PLXNA4: variants seen among roughly 807,000 people sequenced by gnomAD.
The protein encoded by PLXNA4 is plexin A4.
In PLXNA4, 44 loss-of-function variants were observed where a neutral mutation model predicts 191.8. The observed-to-expected ratio is 0.23, with a 90% CI of 0.18 to 0.29. The LOEUF (loss-of-function observed/expected upper bound fraction) is 0.29. PLXNA4 is among the 10% of genes least tolerant of loss of function. The probability of loss-of-function intolerance (pLI) is 1.00; values close to 1 mark genes in which losing one functional copy is unlikely to be tolerated. For missense variants in PLXNA4, 1,800 were observed against 2,488.8 expected (o/e 0.72, Z 5.89); for synonymous variants, 1,082 against 1,009.5 (o/e 1.07, Z -1.36).
intron 2 of PLXNA4, among the ~76,000 whole-genome samples, chr7:132,504,861 G>T (rs1012260695): frequency 7.2e-5 from 11 of 152,244 alleles, no homozygotes; most frequent in African/African-American, 2.7e-4. Flanking sequence ...AGTTGAGGAA[G>T]AGCTGGGTTT....
chr7:132,502,297 T>G (rs1277549038), intron 2 of PLXNA4, among the ~76,000 whole-genome samples: 1 of 152,032 alleles, frequency 6.6e-6, no homozygotes, highest in East Asian at 1.9e-4. Context: ...GAACGGCACG[T>G]GGAAGGGGAC....
intron 3 of PLXNA4, among the ~76,000 whole-genome samples, chr7:132,360,250 CAAG>C (rs1481412335): frequency 6.6e-6 from 1 of 152,112 alleles, no homozygotes; most frequent in African/African-American, 2.4e-5. Flanking sequence ...TGGGAGAGAC[CAAG>C]AAGTCAGGAC....
intron 4 of PLXNA4, among the ~76,000 whole-genome samples, chr7:132,269,280 C>T (rs1198937856): frequency 3.9e-5 from 6 of 152,186 alleles, no homozygotes; most frequent in Non-Finnish European, 8.8e-5. Flanking sequence ...TTCTAGCTTA[C>T]TATTTTTGAA....
intron 16 of PLXNA4, 33 bp from the exon 17 acceptor site, chr7:132,182,223 GA>G: frequency 3.1e-6 from 5 of 1,611,732 alleles, no homozygotes; most frequent in Non-Finnish European, 4.2e-6. Context: ...ATGTGTAAAT[GA>G]TAAGTTCAGG....
At chr7:132,613,363 G>A (rs147379211) in intron 2 of PLXNA4, among the ~76,000 whole-genome samples, 66 of 152,084 alleles carry the variant, frequency 4.3e-4, no homozygotes, top group African/African-American at 1.3e-3. Context: ...CCTCCCCCCC[G>A]ACATCTCCTC....
At chr7:132,614,507 G>T (rs970584874) in intron 2 of PLXNA4, among the ~76,000 whole-genome samples, 11 of 152,200 alleles carry the variant, frequency 7.2e-5, no homozygotes, top group Non-Finnish European at 1.6e-4. Context: ...TAAGTTGATG[G>T]AAATAAAGCT....
At position 132,298,123 on chromosome 7, in the gene PLXNA4, G is replaced by A. The variant is rs764488585; in HGVS notation, c.1471C>T (p.His491Tyr). 33 of 1,614,050 alleles carry A rather than the reference G, an allele frequency of 2.0e-5. No homozygotes were observed. The highest frequency in any genetic ancestry group is 2.7e-5 in the Non-Finnish European group (32 of 1,180,038). ...TCTGACATGATGTAGAGTTGCTCGT[G>A]GTCCTTGGAGAAGGCCATATCCCGG... ...VLRDMAFSKDHEQLYIMSERQ... is the reference protein window; with the variant it reads ...VLRDMAFSKDYEQLYIMSERQ... The change falls in exon 4 of 32, where the codon CAC becomes TAC. Residue 491 changes from histidine to tyrosine, a missense_variant. This residue lies in a region of PLXNA4 where 1,397 missense variants were observed against 1,880.4 expected (regional missense o/e 0.74). Transcript: ENST00000321063.
chr7:132,321,085 C>T (rs945425677), intron 3 of PLXNA4, among the ~76,000 whole-genome samples: 36 of 152,148 alleles, frequency 2.4e-4, no homozygotes, highest in Admixed American at 6.5e-4. Context: ...CCACACTCAC[C>T]GGCCAGCTTC....
chr7:132,248,909 G>C (rs1171205324), intron 4 of PLXNA4, among the ~76,000 whole-genome samples: 1 of 151,978 alleles, frequency 6.6e-6, no homozygotes, highest in Non-Finnish European at 1.5e-5. Context: ...GATTTGCCTT[G>C]AGCTTTGCAA....
intron 3 of PLXNA4, among the ~76,000 whole-genome samples, chr7:132,347,368 G>T (rs1344737540): frequency 6.6e-6 from 1 of 152,164 alleles, no homozygotes; most frequent in Non-Finnish European, 1.5e-5. Flanking sequence ...TGAAAACTAA[G>T]CAAGACACGA....
At chr7:132,587,192 C>T (rs1470385520) in intron 2 of PLXNA4, among the ~76,000 whole-genome samples, 1 of 152,026 alleles carries the variant, frequency 6.6e-6, no homozygotes, top group Non-Finnish European at 1.5e-5. Flanking sequence ...TAATTGGAAA[C>T]AATCAAAGTA....
chr7:132,312,541 T>C (rs769345174), intron 3 of PLXNA4, among the ~76,000 whole-genome samples: 15 of 152,206 alleles, frequency 9.9e-5, no homozygotes, highest in Non-Finnish European at 2.1e-4. Context: ...TATTGACATA[T>C]CAATAATAAT....
chr7:132,140,954 C>A, intron 29 of PLXNA4, 143 bp from the exon 30 acceptor site: 1 of 1,408,422 alleles, frequency 7.1e-7, no homozygotes, highest in Non-Finnish European at 9.4e-7. Context: ...ATGGGATGTG[C>A]CAGGGAAGGG....
chr7:132,255,331 A>G (rs1245272762), intron 4 of PLXNA4, among the ~76,000 whole-genome samples: 12 of 152,128 alleles, frequency 7.9e-5, no homozygotes, highest in Non-Finnish European at 7.4e-5. Context: ...CGCACTCAAC[A>G]TTCTCAAGCC....
At chr7:132,145,807 A>G (rs1795409873) in intron 28 of PLXNA4, among the ~76,000 whole-genome samples, 1 of 151,570 alleles carries the variant, frequency 6.6e-6, no homozygotes, top group Non-Finnish European at 1.5e-5. Flanking sequence ...ACGGTGGCTC[A>G]TGCCTGTAAT....
chr7:132,583,312 A>G (rs1802442116), intron 2 of PLXNA4, among the ~76,000 whole-genome samples: 1 of 152,216 alleles, frequency 6.6e-6, no homozygotes, highest in Non-Finnish European at 1.5e-5. Flanking sequence ...GCTACACCAC[A>G]GGGCAGGAGG....
intron 3 of PLXNA4, among the ~76,000 whole-genome samples, chr7:132,418,709 A>G (rs1325604625): frequency 6.6e-6 from 1 of 152,146 alleles, no homozygotes; most frequent in African/African-American, 2.4e-5. Context: ...TTTTCCTTCC[A>G]TTGCAAAGGG....
chr7:132,180,549 G>T (rs990144713), intron 19 of PLXNA4, 37 bp downstream of exon 19: 2 of 1,612,876 alleles, frequency 1.2e-6, no homozygotes, highest in Admixed American at 1.7e-5. Flanking sequence ...CATCCCTACT[G>T]CCCGCTCCAT....
intron 3 of PLXNA4, among the ~76,000 whole-genome samples, chr7:132,332,073 A>G (rs957362530): frequency 1.3e-5 from 2 of 152,226 alleles, no homozygotes; most frequent in East Asian, 3.8e-4. Flanking sequence ...CTCACATTTC[A>G]TTAACAATAA....
Sources: allele counts gnomAD v4.1 joint callset (sites outside exome capture counted in the v4.1 genomes callset), GRCh38; gene constraint gnomAD v4.1.1; regional missense constraint gnomAD v4.1.1; transcripts MANE v1.5; gene names NCBI Gene and HGNC (gene_info 2026-07-23, HGNC 2026-07-21).